The following ANKRD36B variants were observed in gnomAD, a reference collection of about 807,000 sequenced individuals.
The protein encoded by ANKRD36B is ankyrin repeat domain 36B, also known as ankyrin repeat domain-containing protein 36B.
A neutral mutation model predicts 135.7 loss-of-function variants in ANKRD36B; 37 were observed. The observed-to-expected ratio is 0.27, with a 90% CI of 0.21 to 0.36. ANKRD36B has a LOEUF of 0.36. Among genes scored for constraint, ANKRD36B ranks in the 10% least tolerant of loss-of-function variants. The probability of loss-of-function intolerance (pLI) is 1.00; values close to 1 mark genes in which losing one functional copy is unlikely to be tolerated. For synonymous variants in ANKRD36B, 179 were observed against 348.1 expected, an observed-to-expected ratio of 0.51 and a Z score of 5.41; for missense variants, 549 against 1,037.1, an observed-to-expected ratio of 0.53 and a Z score of 6.46.
intron 6 of ANKRD36B, among the ~76,000 whole-genome samples, chr2:97,574,961 C>G (rs966752406): frequency 6.6e-6 from 1 of 152,062 alleles, no homozygotes; most frequent in Non-Finnish European, 1.5e-5. Context: ...CATATTTGGA[C>G]AACAGACATA....
chr2:97,562,934 C>T (rs2081155746), intron 6 of ANKRD36B, among the ~76,000 whole-genome samples: 1 of 152,012 alleles, frequency 6.6e-6, no homozygotes, highest in Non-Finnish European at 1.5e-5. Flanking sequence ...TATTTTGTCG[C>T]TATGCTTTCA....
rs2081218111 is a variant in ANKRD36B at position 97,563,667 on chromosome 2, T to C, written c.764-2807A>G. Among the ~76,000 whole-genome samples the C allele has an allele frequency of 3.3e-5, 5 of 152,134 alleles. No individual in the cohort carries two copies. In the South Asian group the frequency reaches 8.3e-4, roughly 25 times the overall value. On this transcript the variant is annotated intron_variant, in intron 6 of 43. Coordinates refer to ENST00000359901, the MANE Select transcript of ANKRD36B (RefSeq NM_001393939.1). The stretch of plus-strand genomic sequence containing the variant: ...CCATTTCCTCTCCTTACTGTCATTC[T>C]CTGAAAAGCACACACTGGATTTTCT...
intron 6 of ANKRD36B, among the ~76,000 whole-genome samples, chr2:97,561,996 G>GTTA (rs1280729358): frequency 1.3e-5 from 1 of 77,566 alleles, no homozygotes; most frequent in Non-Finnish European, 3.6e-5. Flanking sequence ...TGCATCTGAA[G>GTTA]TGAGTTCACT....
intron 1 of ANKRD36B, among the ~76,000 whole-genome samples, chr2:97,585,763 A>G (rs1042487206): frequency 2.6e-4 from 40 of 152,218 alleles, no homozygotes; most frequent in Non-Finnish European, 2.4e-4. Flanking sequence ...TCTAACACAA[A>G]TAACAGCTCA....
chr2:97,573,573 A>G (rs2082030157), intron 6 of ANKRD36B, among the ~76,000 whole-genome samples: 1 of 152,164 alleles, frequency 6.6e-6, no homozygotes, highest in Non-Finnish European at 1.5e-5. Context: ...AAGAGCCCAC[A>G]TCACCAAGTC....
chr2:97,560,406 A>G (rs2080913729), intron 8 of ANKRD36B, among the ~76,000 whole-genome samples: 1 of 151,832 alleles, frequency 6.6e-6, no homozygotes, highest in South Asian at 2.1e-4. Context: ...CTGCTCCCTT[A>G]GCCTGGTATG....
intron 43 of ANKRD36B, among the ~76,000 whole-genome samples, chr2:97,496,605 T>C (rs2077308563): frequency 1.9e-5 from 1 of 51,684 alleles, no homozygotes; most frequent in Non-Finnish European, 5.2e-5. Flanking sequence ...ATTAAAACAT[T>C]AAAGGCAGTA....
intron 9 of ANKRD36B, 34 bp from the exon 10 acceptor site, chr2:97,558,905 T>C (rs1208645414): frequency 2.5e-6 from 4 of 1,609,062 alleles, no homozygotes; most frequent in Non-Finnish European, 3.4e-6. Flanking sequence ...AATCAATATG[T>C]AAAGTAGGTT....
chr2:97,513,906 C>T lies in ANKRD36B; in HGVS notation c.2622-543G>A, dbSNP rs561069533. 4.9e-4 allele frequency among the ~76,000 whole-genome samples: 58 copies of T among 118,990 alleles called. 1 individual carries two copies. Among genetic ancestry groups the T allele is most frequent in the South Asian group, 1.6e-3 (7 of 4,360 alleles). 78.1% of individuals were successfully genotyped at this position (118,990 alleles called of 152,430 possible). On this transcript the variant is annotated intron_variant, in intron 37 of 43. Transcript: ENST00000359901. ...GTCAACCAGAAAATGTTTAAATTTACCTACAGCCTGGAAGCCCCAGCTTTG... is the reference window on the plus strand; with the variant it reads ...GTCAACCAGAAAATGTTTAAATTTATCTACAGCCTGGAAGCCCCAGCTTTG...
At chr2:97,550,603 C>G (rs1459304057) in intron 18 of ANKRD36B, among the ~76,000 whole-genome samples, 3 of 151,530 alleles carry the variant, frequency 2.0e-5, no homozygotes, top group African/African-American at 4.8e-5. Context: ...ATCAACAAAA[C>G]ATGTATCTCT....
At chr2:97,552,675 CCCT>C (rs1033672564) in intron 16 of ANKRD36B, among the ~76,000 whole-genome samples, 22 of 151,880 alleles carry the variant, frequency 1.4e-4, no homozygotes, top group Non-Finnish European at 2.2e-4. Context: ...AACTTCTCTT[CCCT>C]CCTTCCTGCC....
At position 97,530,741 on chromosome 2, in the gene ANKRD36B, C is replaced by T. The variant is rs1380510533; in HGVS notation, c.2265+1570G>A. 3.1e-5 allele frequency among the ~76,000 whole-genome samples: 3 copies of T among 97,150 alleles called. 1 individual carries two copies. Among genetic ancestry groups the T allele is most frequent in the Non-Finnish European group, 5.5e-5 (2 of 36,460 alleles). 63.7% of individuals were successfully genotyped at this position (97,150 alleles called of 152,430 possible). ...ACAAACAACCCCATCAAAAAGTGGG[C>T]AAAGGATATCAACAGACACTTCTCA... On this transcript the variant is annotated intron_variant, in intron 35 of 43. Coordinates refer to ENST00000359901, the MANE Select transcript of ANKRD36B (RefSeq NM_001393939.1).
intron 6 of ANKRD36B, among the ~76,000 whole-genome samples, chr2:97,567,254 AG>A (rs1181421887): frequency 2.0e-5 from 3 of 149,246 alleles, no homozygotes; most frequent in Non-Finnish European, 4.5e-5. Context: ...CATGTATTGG[AG>A]AGCATCCAGG....
At chr2:97,546,496 T>C (rs1339674707) in intron 22 of ANKRD36B, among the ~76,000 whole-genome samples, 1 of 151,724 alleles carries the variant, frequency 6.6e-6, no homozygotes, top group African/African-American at 2.4e-5. Flanking sequence ...TTTAGACTTC[T>C]GAAAATTTCT....
chr2:97,550,200 T>A (rs1322540694), intron 18 of ANKRD36B, among the ~76,000 whole-genome samples: 1 of 141,832 alleles, frequency 7.1e-6, no homozygotes, highest in Non-Finnish European at 1.6e-5. Context: ...CTCACACCCA[T>A]ATGGTGTAAT....
intron 6 of ANKRD36B, among the ~76,000 whole-genome samples, chr2:97,573,158 G>A (rs1338683301): frequency 1.3e-5 from 2 of 151,944 alleles, no homozygotes; most frequent in African/African-American, 2.4e-5. Context: ...GTGACAACAT[G>A]CGGTGTTTCG....
intron 6 of ANKRD36B, among the ~76,000 whole-genome samples, 175 bp downstream of exon 6, chr2:97,576,204 T>C (rs1349371730): frequency 3.3e-5 from 5 of 150,708 alleles, no homozygotes; most frequent in African/African-American, 1.2e-4. Context: ...ACTGAGATTA[T>C]AAATTACCTA....
chr2:97,582,563 G>A (rs1307848198), intron 3 of ANKRD36B, among the ~76,000 whole-genome samples: 1 of 152,142 alleles, frequency 6.6e-6, no homozygotes, highest in Non-Finnish European at 1.5e-5. Context: ...TTGGATTCTT[G>A]AAGAGAAGCT....
intron 6 of ANKRD36B, among the ~76,000 whole-genome samples, chr2:97,565,409 C>T (rs1461966934): frequency 6.6e-6 from 1 of 152,054 alleles, no homozygotes; most frequent in Non-Finnish European, 1.5e-5. Flanking sequence ...TCAGAGTGAA[C>T]AGGCAACCTA....
Sources: allele counts gnomAD v4.1 joint callset (sites outside exome capture counted in the v4.1 genomes callset), GRCh38; gene constraint gnomAD v4.1.1; transcripts MANE v1.5; gene names NCBI Gene and HGNC (gene_info 2026-07-23, HGNC 2026-07-21).